RAP1B: variants seen among roughly 807,000 people sequenced by gnomAD.
RAP1B encodes RAP1B, member of RAS oncogene family.
Under a neutral mutation model 27.5 loss-of-function variants are expected in RAP1B, and 1 was observed. That is an observed-to-expected ratio of 0.04 (90% CI 0.01 to 0.17). The LOEUF is 0.17. Among genes scored for constraint, RAP1B ranks in the 10% least tolerant of loss-of-function variants. The probability of loss-of-function intolerance (pLI) is 1.00; values close to 1 mark genes in which losing one functional copy is unlikely to be tolerated. For synonymous variants in RAP1B, 75 were observed against 73.1 expected, an observed-to-expected ratio of 1.03 and a Z score of -0.13; for missense variants, 84 against 214.8, an observed-to-expected ratio of 0.39 and a Z score of 3.81.
rs1874799900 is a variant in RAP1B at position 68,665,237 on chromosome 12, C to T, written c.*5988C>T. The T allele has an allele frequency of 6.6e-6, 1 of 152,306 alleles. No individual in the cohort carries two copies. Among genetic ancestry groups the T allele is most frequent in the East Asian group, 1.9e-4 (1 of 5,182 alleles). 9.4% of individuals were successfully genotyped at this position (152,306 alleles called of 1,614,324 possible). On this transcript the variant is annotated 3_prime_UTR_variant, in exon 8 of 8. Transcript: ENST00000250559. ...TAAATGAGACTAATAGTAAATGTTA[C>T]ATAACTAAAGCAACAGATTTGCCAG...
intron 1 of RAP1B, among the ~76,000 whole-genome samples, chr12:68,638,781 C>A (rs1231037419): frequency 6.6e-6 from 1 of 152,076 alleles, no homozygotes; most frequent in Admixed American, 6.5e-5. Flanking sequence ...CTGCCTCAGC[C>A]TCCTGAGCAC....
intron 1 of RAP1B, among the ~76,000 whole-genome samples, chr12:68,620,915 C>T (rs779452071): frequency 6.6e-6 from 1 of 152,134 alleles, no homozygotes; most frequent in Non-Finnish European, 1.5e-5. Context: ...GATTTTTAGA[C>T]TGTGTTTGGA....
At position 68,669,480 on chromosome 12, in the gene RAP1B, C is replaced by T. The variant is rs1874985856; in HGVS notation, c.*10231C>T. 1 of 152,166 alleles carries T rather than the reference C, an allele frequency of 6.6e-6. No individual in the cohort carries two copies. The highest frequency in any genetic ancestry group is 6.5e-5 in the Admixed American group (1 of 15,276). The allele number at this position is 152,166 out of a possible 1,614,324, so 9.4% of individuals were successfully genotyped here. A position where few individuals can be genotyped will look rare whatever the true frequency, so the allele number is the denominator to read the frequency against. On this transcript the variant is annotated 3_prime_UTR_variant, in exon 8 of 8. Coordinates refer to ENST00000250559, the MANE Select transcript of RAP1B (RefSeq NM_001010942.3). ...GGATTATAGGCATGAGCCACCGTGC[C>T]AGACTTGGGTGAGGTTTTGAAATTG...
intron 1 of RAP1B, among the ~76,000 whole-genome samples, chr12:68,615,922 A>G (rs527591344): frequency 6.6e-6 from 1 of 151,978 alleles, no homozygotes. Flanking sequence ...GATAGACTGA[A>G]TAAAGGAAGT....
chr12:68,654,305 G>T, intron 5 of RAP1B, 53 bp downstream of exon 5: 15 of 897,634 alleles, frequency 1.7e-5, no homozygotes, highest in East Asian at 7.2e-5. Flanking sequence ...GATTATAATT[G>T]TTTAAGTCTA....
chr12:68,628,089 A>G (rs762690822), intron 1 of RAP1B, among the ~76,000 whole-genome samples: 21 of 152,164 alleles, frequency 1.4e-4, no homozygotes, highest in Admixed American at 4.6e-4. Flanking sequence ...TGGGTAACAG[A>G]ATGAGACCCT....
rs977966116 is a variant in RAP1B at position 68,663,855 on chromosome 12, A to C, written c.*4606A>C. 8 of 152,234 alleles carry C rather than the reference A, an allele frequency of 5.3e-5. No homozygotes were observed. The highest frequency in any genetic ancestry group is 1.4e-4 in the African/African-American group (6 of 41,452). 9.4% of individuals were successfully genotyped at this position (152,234 alleles called of 1,614,324 possible). On this transcript the variant is annotated 3_prime_UTR_variant, in exon 8 of 8. Coordinates refer to ENST00000250559, the MANE Select transcript of RAP1B (RefSeq NM_001010942.3). Reference sequence around the variant, plus strand: ...TGCCCACGTGGGGAAAACACACAGCAAATGAACAAAGCTCTATTGGTAACA... The same window carrying C: ...TGCCCACGTGGGGAAAACACACAGCCAATGAACAAAGCTCTATTGGTAACA...
chr12:68,648,436 G>A (rs1385825477), intron 1 of RAP1B, among the ~76,000 whole-genome samples: 2 of 152,160 alleles, frequency 1.3e-5, no homozygotes, highest in South Asian at 2.1e-4. Context: ...AGTAAAACTT[G>A]ATGTAACAAA....
intron 1 of RAP1B, among the ~76,000 whole-genome samples, chr12:68,612,951 A>G (rs1870710925): frequency 6.6e-6 from 1 of 152,258 alleles, no homozygotes; most frequent in African/African-American, 2.4e-5. Context: ...AAAGTAAATC[A>G]TTGGAACACA....
rs1874541976 is a variant in RAP1B at position 68,660,567 on chromosome 12, T to C, written c.*1318T>C. On this transcript the variant is annotated 3_prime_UTR_variant, in exon 8 of 8. Coordinates refer to ENST00000250559, the MANE Select transcript of RAP1B (RefSeq NM_001010942.3). ...GTTTTGTGTAATGTTTTAACAGTGC[T>C]AGTAAATAAATACGGGTTTACCCTG... The C allele has an allele frequency of 6.5e-6, 1 of 152,696 alleles. No individual in the cohort carries two copies. The highest frequency in any genetic ancestry group is 1.5e-5 in the Non-Finnish European group (1 of 68,034). 9.5% of individuals were successfully genotyped at this position (152,696 alleles called of 1,614,324 possible).
chr12:68,658,499 C>T (rs1303598808), intron 7 of RAP1B, among the ~76,000 whole-genome samples: 1 of 152,184 alleles, frequency 6.6e-6, no homozygotes, highest in Non-Finnish European at 1.5e-5. Flanking sequence ...TCTTCTGGAG[C>T]TTGTAACAAG....
Position 68,671,840 on chromosome 12 carries a change from T to C in RAP1B, c.*12591T>C, listed in dbSNP as rs1875106977. 6.6e-6 allele frequency: 1 copy of C among 152,102 alleles called. No individual in the cohort carries two copies. The highest frequency in any genetic ancestry group is 1.5e-5 in the Non-Finnish European group (1 of 68,020). The allele number at this position is 152,102 out of a possible 1,614,324, so 9.4% of individuals were successfully genotyped here. A position where few individuals can be genotyped will look rare whatever the true frequency, so the allele number is the denominator to read the frequency against. ...GAATGTCATCATTATATGTAAAATA[T>C]GAATGTAAAATACATGGGAGGATAA... On this transcript the variant is annotated 3_prime_UTR_variant, in exon 8 of 8. Coordinates refer to ENST00000250559, the MANE Select transcript of RAP1B (RefSeq NM_001010942.3).
intron 6 of RAP1B, chr12:68,656,757 C>T: frequency 1.9e-6 from 1 of 522,212 alleles, no homozygotes; most frequent in Non-Finnish European, 3.3e-6. Flanking sequence ...GAGTAAAATT[C>T]CGAAAAGTAT....
chr12:68,621,781 G>A (rs932086935), intron 1 of RAP1B, among the ~76,000 whole-genome samples: 1 of 152,226 alleles, frequency 6.6e-6, no homozygotes, highest in African/African-American at 2.4e-5. Context: ...GTCCTATGTA[G>A]AGGATAAACT....
intron 7 of RAP1B, 94 bp from the exon 8 acceptor site, chr12:68,659,186 T>C: frequency 2.2e-6 from 1 of 448,550 alleles, no homozygotes; most frequent in Non-Finnish European, 4.5e-6. Context: ...TATATTCATT[T>C]CTAACACTTT....
intron 6 of RAP1B, among the ~76,000 whole-genome samples, chr12:68,656,814 AC>A (rs1874239948): frequency 1.3e-5 from 2 of 152,204 alleles, no homozygotes; most frequent in African/African-American, 4.8e-5. Flanking sequence ...GCAAAAACTT[AC>A]AGTTTTTAAA....
intron 1 of RAP1B, among the ~76,000 whole-genome samples, chr12:68,620,035 A>G (rs1330228556): frequency 6.6e-6 from 1 of 152,124 alleles, no homozygotes; most frequent in Non-Finnish European, 1.5e-5. Context: ...TAACTTTTCC[A>G]TAGTAAAGCT....
intron 6 of RAP1B, among the ~76,000 whole-genome samples, chr12:68,656,828 G>T (rs572302351): frequency 5.8e-4 from 89 of 152,250 alleles, no homozygotes; most frequent in African/African-American, 2.1e-3. Context: ...TTTTTAAAAG[G>T]ATTTTTTCTT....
intron 1 of RAP1B, among the ~76,000 whole-genome samples, chr12:68,637,654 A>G (rs547058174): frequency 6.7e-6 from 1 of 148,298 alleles, no homozygotes; most frequent in African/African-American, 2.5e-5. Context: ...GAAATAAATG[A>G]CCACCCCCCT....
Sources: allele counts gnomAD v4.1 joint callset (sites outside exome capture counted in the v4.1 genomes callset), GRCh38; gene constraint gnomAD v4.1.1; transcripts MANE v1.5; gene names NCBI Gene and HGNC (gene_info 2026-07-23, HGNC 2026-07-21).